SPATA22: variants seen among roughly 807,000 people sequenced by gnomAD.
SPATA22 encodes the protein spermatogenesis associated 22.
A neutral mutation model predicts 47.8 loss-of-function variants in SPATA22; 29 were observed. The observed-to-expected ratio is 0.61, with a 90% CI of 0.45 to 0.83. The LOEUF is 0.83. Ranked by LOEUF, SPATA22 falls within the 40% of genes least tolerant of loss-of-function variation. The probability of loss-of-function intolerance (pLI) is 0.00; values close to 1 mark genes in which losing one functional copy is unlikely to be tolerated. For synonymous variants in SPATA22, 133 were observed against 140.9 expected (o/e 0.94, Z 0.40); for missense variants, 410 against 421.7 (o/e 0.97, Z 0.24).
intron 1 of SPATA22, among the ~76,000 whole-genome samples, chr17:3,491,864 T>C (rs2073831012): frequency 7.5e-6 from 1 of 133,262 alleles, no homozygotes; most frequent in Admixed American, 8.7e-5. Context: ...CAGAAATTTT[T>C]TTCTTTTGTT....
At position 3,440,299 on chromosome 17, in the gene SPATA22, T is replaced by A. The variant is rs1428100446; in HGVS notation, c.940A>T (p.Arg314Ter). The A allele has an allele frequency of 6.2e-7, 1 of 1,602,606 alleles. No homozygotes were observed. The highest frequency in any genetic ancestry group is 8.5e-7 in the Non-Finnish European group (1 of 1,172,908). ...LPRLIRGRVH[R>*]CVGNYDQKKN... ...TTCTGGTCATAGTTGCCAACACATC[T>A]ATGAACTCGGCCTCTAATCAGTCTC... The change falls in exon 9 of 9, where the codon AGA (arginine) becomes TGA (stop). Residue 314 changes from arginine (R) to a stop codon, truncating the protein, a stop_gained. Coordinates refer to ENST00000572969, the MANE Select transcript of SPATA22 (RefSeq NM_001170698.2). LOFTEE classifies it high-confidence loss of function.
intron 5 of SPATA22, among the ~76,000 whole-genome samples, chr17:3,455,143 G>GA (rs1285446601): frequency 7.7e-6 from 1 of 130,456 alleles, no homozygotes; most frequent in Admixed American, 7.2e-5. Flanking sequence ...TTTTTGATGG[G>GA]GTTTTTTTTT....
intron 5 of SPATA22, among the ~76,000 whole-genome samples, chr17:3,453,551 GA>G (rs962960134): frequency 8.5e-5 from 13 of 152,090 alleles, no homozygotes; most frequent in Admixed American, 5.9e-4. Context: ...CATAATGGGG[GA>G]AAACTGAAAG....
chr17:3,442,997 T>C (rs1351228977), intron 8 of SPATA22, among the ~76,000 whole-genome samples, 177 bp downstream of exon 8: 1 of 151,928 alleles, frequency 6.6e-6, no homozygotes, highest in East Asian at 1.9e-4. Context: ...CCCAGCACAG[T>C]ACCTAGCACG....
At position 3,485,846 on chromosome 17, in the gene SPATA22, C is replaced by T. The variant is rs955223216; in HGVS notation, c.-73-16448G>A. 8.5e-5 allele frequency among the ~76,000 whole-genome samples: 13 copies of T among 152,094 alleles called. No individual in the cohort carries two copies. Among genetic ancestry groups the T allele is most frequent in the Admixed American group, 2.0e-4 (3 of 15,290 alleles). ...TAGCAGAGTGTCAGCATTTCTGCAC[C>T]ATTACCCAAGCTCCAGTTCCCACAG... On this transcript the variant is annotated intron_variant, in intron 1 of 8. Coordinates refer to the SPATA22 transcript ENST00000541913. The surrounding 1 kb of genome is among the most constrained non-coding windows in gnomAD (Gnocchi z 4.4).
At chr17:3,476,247 C>G (rs2073520755), upstream of SPATA22, 3 of 1,614,178 alleles carry the variant, frequency 1.9e-6, no homozygotes, top group Non-Finnish European at 8.5e-7. Flanking sequence ...CGGAGTATTT[C>G]TGGTTAAGCA....
At chr17:3,458,855 CAAA>C (rs545223532) in intron 5 of SPATA22, among the ~76,000 whole-genome samples, 2,989 of 38,388 alleles carry the variant, frequency 0.078, 55 homozygotes, top group African/African-American at 0.21. Flanking sequence ...CGAAACTTCA[CAAA>C]AAAAAAAAAA....
chr17:3,460,687 G>A (rs2073104819), intron 5 of SPATA22, among the ~76,000 whole-genome samples: 1 of 151,294 alleles, frequency 6.6e-6, no homozygotes. Flanking sequence ...CGCCTACTCA[G>A]GAGGCTGAGG....
intron 1 of SPATA22, among the ~76,000 whole-genome samples, chr17:3,506,446 A>G (rs4790501): frequency 0.95 from 145,123 of 152,288 alleles, 69,517 homozygotes; most frequent in East Asian, 1. Flanking sequence ...ACTGAGGTCT[A>G]TAGGGGATTA....
At chr17:3,440,417 A>G in intron 8 of SPATA22, 79 bp from the exon 9 acceptor site, 1 of 1,234,104 alleles carries the variant, frequency 8.1e-7, no homozygotes, top group Non-Finnish European at 1.1e-6. Flanking sequence ...TATGTGATCA[A>G]CTAAACATGT....
intron 3 of SPATA22, among the ~76,000 whole-genome samples, chr17:3,463,487 A>G (rs1347565210): frequency 6.6e-6 from 1 of 152,214 alleles, no homozygotes; most frequent in Non-Finnish European, 1.5e-5. Context: ...AAAATATAAT[A>G]TAAAAGATAA....
chr17:3,507,112 A>G (rs2074048225), intron 1 of SPATA22, among the ~76,000 whole-genome samples: 1 of 152,102 alleles, frequency 6.6e-6, no homozygotes, highest in Admixed American at 6.5e-5. Flanking sequence ...GGTGTTTCCA[A>G]CTTATGGCTT....
At chr17:3,454,006 T>G (rs571424231) in intron 5 of SPATA22, among the ~76,000 whole-genome samples, 138 of 151,978 alleles carry the variant, frequency 9.1e-4, no homozygotes, top group African/African-American at 3.2e-3. Context: ...CTGTTAGAAC[T>G]AAAAAATGAA....
intron 1 of SPATA22, among the ~76,000 whole-genome samples, chr17:3,476,839 A>C (rs930742022): frequency 1.3e-5 from 2 of 152,234 alleles, no homozygotes; most frequent in African/African-American, 2.4e-5. Context: ...AGTTCAAAAA[A>C]TGTAATGTTT....
intron 1 of SPATA22, among the ~76,000 whole-genome samples, chr17:3,480,146 G>A (rs2073602274): frequency 1.3e-5 from 2 of 152,126 alleles, no homozygotes; most frequent in Admixed American, 1.3e-4. Context: ...TGTAATTCCA[G>A]CACTTTGGGA....
Position 3,454,021 on chromosome 17 carries a change from G to A in SPATA22, c.330-4872C>T, listed in dbSNP as rs573624940. Among the ~76,000 whole-genome samples the A allele has an allele frequency of 3.3e-5, 5 of 152,052 alleles. No homozygotes were observed. In the South Asian group the frequency reaches 6.2e-4, roughly 19 times the overall value. ...CTGTTAGAACTAAAAAATGAATTCA[G>A]TAAAATTGCAGGATACAAAATCAAC... On this transcript the variant is annotated intron_variant, in intron 5 of 8. Coordinates refer to ENST00000572969, the MANE Select transcript of SPATA22 (RefSeq NM_001170698.2).
chr17:3,512,249 G>C (rs919821580), intron 1 of SPATA22: 3 of 152,196 alleles, frequency 2.0e-5, no homozygotes, highest in Non-Finnish European at 4.4e-5. Flanking sequence ...GCCCAGCCCC[G>C]ACCACTGTGG....
At position 3,481,931 on chromosome 17, in the gene SPATA22, T is replaced by C. The variant is rs911775823; in HGVS notation, c.-73-12533A>G. On this transcript the variant is annotated intron_variant, in intron 1 of 8. Transcript: ENST00000541913. ...ATGGGGTTTATTCCATAGCCAGGCT[T>C]GGTGGTTGGGGGGAAAGGGTGCTAC... 9 of 860,732 alleles carry C rather than the reference T, an allele frequency of 1.0e-5. No individual in the cohort carries two copies. In the African/African-American group the frequency reaches 1.4e-4, roughly 13 times the overall value. The allele number at this position is 860,732 out of a possible 1,614,324, so 53.3% of individuals were successfully genotyped here.
chr17:3,447,630 C>T (rs2072757429), intron 6 of SPATA22, among the ~76,000 whole-genome samples: 1 of 152,078 alleles, frequency 6.6e-6, no homozygotes, highest in Non-Finnish European at 1.5e-5. Context: ...ATTGCTTTTT[C>T]AGACATAAGG....
Sources: allele counts gnomAD v4.1 joint callset (sites outside exome capture counted in the v4.1 genomes callset), GRCh38; gene constraint gnomAD v4.1.1; non-coding constraint Gnocchi (gnomAD v3.1); transcripts MANE v1.5; gene names NCBI Gene and HGNC (gene_info 2026-07-23, HGNC 2026-07-21).